The following BDKRB2 variants were observed in gnomAD, a reference collection of about 807,000 sequenced individuals.
BDKRB2 encodes bradykinin receptor B2, also known as B2 bradykinin receptor.
A neutral mutation model predicts 4.0 loss-of-function variants in BDKRB2; 6 were observed. That is an observed-to-expected ratio of 1.49 (90% confidence interval 0.81 to 2.93). The LOEUF is 2.93. BDKRB2 is among the 30% of genes most tolerant of loss of function. BDKRB2 has a pLI of 0.00. For synonymous variants in BDKRB2, 225 were observed against 215.3 expected, an observed-to-expected ratio of 1.05 and a Z score of -0.40; for missense variants, 478 against 520.1, an observed-to-expected ratio of 0.92 and a Z score of 0.79.
At chr14:96,221,553 C>T (rs150535626) in intron 1 of BDKRB2, among the ~76,000 whole-genome samples, 3 of 152,172 alleles carry the variant, frequency 2.0e-5, no homozygotes, top group African/African-American at 7.2e-5. Context: ...GTTGAGTAGA[C>T]ACCCGGAGGA....
At chr14:96,213,286 C>T (rs1255830332) in intron 1 of BDKRB2, among the ~76,000 whole-genome samples, 1 of 152,150 alleles carries the variant, frequency 6.6e-6, no homozygotes, top group Non-Finnish European at 1.5e-5. Flanking sequence ...AGAGATCTTT[C>T]CCCACAAGGA....
At chr14:96,226,010 C>T (rs544181006) in intron 1 of BDKRB2, among the ~76,000 whole-genome samples, 3 of 152,198 alleles carry the variant, frequency 2.0e-5, no homozygotes, top group South Asian at 2.1e-4. Flanking sequence ...CACCCAGCTA[C>T]GGCTCACTTC....
chr14:96,227,073 C>T (rs1172666215), intron 1 of BDKRB2, among the ~76,000 whole-genome samples: 5 of 152,166 alleles, frequency 3.3e-5, no homozygotes, highest in East Asian at 3.9e-4. Context: ...ATTGCCTTGC[C>T]GTGTGGCTGT....
At chr14:96,225,124 C>G (rs180966184) in intron 1 of BDKRB2, among the ~76,000 whole-genome samples, 2 of 152,284 alleles carry the variant, frequency 1.3e-5, no homozygotes, top group Admixed American at 1.3e-4. Flanking sequence ...GTGCTGATCC[C>G]ATTGCCTCTG....
chr14:96,241,638 C>T lies in BDKRB2; in HGVS notation c.*134C>T, dbSNP rs200771756. On this transcript the variant is annotated 3_prime_UTR_variant, in exon 3 of 3. Transcript: ENST00000554311. ...TGAGTTGATGTCTCCGGTAAAACAC[C>T]GGAGACTAATTCCTGCCCTGCCCAA... 47 of 1,382,206 alleles carry T rather than the reference C, an allele frequency of 3.4e-5. No individual in the cohort carries two copies. The highest frequency in any genetic ancestry group is 2.6e-4 in the Middle Eastern group (1 of 3,890). 85.6% of individuals were successfully genotyped at this position (1,382,206 alleles called of 1,614,324 possible). A position where few individuals can be genotyped will look rare whatever the true frequency, so the allele number is the denominator to read the frequency against.
In BDKRB2 at chr14:96,240,411, T is replaced by G. The variant is rs775702998; in HGVS notation, c.83T>G (p.Met28Arg). The change falls in exon 3 of 3, where the codon ATG (methionine) becomes AGG (arginine). Residue 28 changes from methionine to arginine, a missense_variant. Coordinates refer to ENST00000554311, the MANE Select transcript of BDKRB2 (RefSeq NM_001379692.1). Reference protein sequence around the residue: ...VPTTASFSADMLNVTLQGPTL... With the variant: ...VPTTASFSADRLNVTLQGPTL... The stretch of plus-strand genomic sequence containing the variant: ...TTTCCACTTTCTTTCAGCGCCGACA[T>G]GCTCAATGTCACCTTGCAAGGGCCC... 1.4e-6 allele frequency: 2 copies of G among 1,444,032 alleles called. No individual in the cohort carries two copies. The highest frequency in any genetic ancestry group is 1.8e-6 in the Non-Finnish European group (2 of 1,095,866). 89.5% of individuals were successfully genotyped at this position (1,444,032 alleles called of 1,614,324 possible). A position where few individuals can be genotyped will look rare whatever the true frequency, so the allele number is the denominator to read the frequency against.
chr14:96,237,981 G>A (rs1890977420), intron 2 of BDKRB2: 24 of 1,183,300 alleles, frequency 2.0e-5, no homozygotes, highest in Non-Finnish European at 2.5e-5. Flanking sequence ...CAGGAAATGG[G>A]TTTTCTGTAG....
In BDKRB2 at chr14:96,242,048, C is replaced by T. The variant is rs1885306378; in HGVS notation, c.*544C>T. On this transcript the variant is annotated 3_prime_UTR_variant, in exon 3 of 3. Transcript: ENST00000554311. ...ACCTGGAGACCAGGATTTTATGGCT[C>T]CCCTCACTGATGGACAAGGAGGTCT... 6.5e-6 allele frequency: 1 copy of T among 152,986 alleles called. No homozygotes were observed. The highest frequency in any genetic ancestry group is 2.1e-4 in the South Asian group (1 of 4,854). The allele number at this position is 152,986 out of a possible 1,614,324, so 9.5% of individuals were successfully genotyped here. A position where few individuals can be genotyped will look rare whatever the true frequency, so the allele number is the denominator to read the frequency against.
At position 96,241,258 on chromosome 14, in the gene BDKRB2, C is replaced by G; in HGVS notation, c.930C>G (p.Ile310Met). The G allele has an allele frequency of 6.2e-7, 1 of 1,613,630 alleles. No homozygotes were observed. Among genetic ancestry groups the G allele is most frequent in the Non-Finnish European group, 8.5e-7 (1 of 1,179,612 alleles). ...CCAGCTGCCAGGACGAGCGCATCAT[C>G]GATGTAATCACACAGATCGCCTCCT... ...ILSSCQDERI[I>M]DVITQIASFM... The change falls in exon 3 of 3, where the codon ATC (isoleucine) becomes ATG (methionine). Residue 310 changes from isoleucine to methionine, a missense_variant. Coordinates refer to ENST00000554311, the MANE Select transcript of BDKRB2 (RefSeq NM_001379692.1).
chr14:96,232,060 G>A (rs1258056862), intron 1 of BDKRB2, among the ~76,000 whole-genome samples: 1 of 152,212 alleles, frequency 6.6e-6, no homozygotes, highest in Non-Finnish European at 1.5e-5. Context: ...CTGTGAGCAG[G>A]AGATCTGGCC....
chr14:96,227,474 C>T (rs1031600940), intron 1 of BDKRB2, among the ~76,000 whole-genome samples: 5 of 152,130 alleles, frequency 3.3e-5, no homozygotes, highest in African/African-American at 9.7e-5. Context: ...GTTCCAACCC[C>T]CTGGGGACAT....
intron 1 of BDKRB2, among the ~76,000 whole-genome samples, chr14:96,219,042 G>A (rs569425072): frequency 3.3e-5 from 5 of 152,156 alleles, no homozygotes; most frequent in African/African-American, 9.6e-5. Context: ...GGTGGCTCAC[G>A]CCTATAATCA....
intron 1 of BDKRB2, chr14:96,223,171 G>A (rs1890614140): frequency 8.6e-7 from 1 of 1,167,864 alleles, no homozygotes; most frequent in East Asian, 2.3e-5. Flanking sequence ...GTATCGACAT[G>A]TCATGCTGCC....
In BDKRB2 at chr14:96,241,128, G is replaced by C; in HGVS notation, c.800G>C (p.Arg267Thr). The stretch of plus-strand genomic sequence containing the variant: ...TTCAAGGAGATCCAGACAGAGAGGA[G>C]GGCCACGGTGCTAGTCCTGGTTGTG... ...QKFKEIQTER[R>T]ATVLVLVVLL... The change falls in exon 3 of 3, where the codon AGG becomes ACG. Residue 267 changes from arginine to threonine, a missense_variant. Arg to Thr is a moderately conservative substitution (Grantham distance 71, BLOSUM62 -1). Coordinates refer to ENST00000554311, the MANE Select transcript of BDKRB2 (RefSeq NM_001379692.1). 1 of 1,612,928 alleles carries C rather than the reference G, an allele frequency of 6.2e-7. No homozygotes were observed. The highest frequency in any genetic ancestry group is 1.1e-5 in the South Asian group (1 of 91,046).
chr14:96,219,382 G>A (rs1890502263), intron 1 of BDKRB2, among the ~76,000 whole-genome samples: 1 of 151,970 alleles, frequency 6.6e-6, no homozygotes, highest in Non-Finnish European at 1.5e-5. Flanking sequence ...TGTTTCCTCT[G>A]ACTTGCCCAG....
chr14:96,206,245 G>A (rs537336009), intron 1 of BDKRB2, among the ~76,000 whole-genome samples: 1 of 152,056 alleles, frequency 6.6e-6, no homozygotes, highest in Non-Finnish European at 1.5e-5. Context: ...CCAAGAGAAG[G>A]CGTCTTTGGA....
rs1460921491 is a variant in BDKRB2, at chr14:96,240,886, G to A, written c.558G>A (p.Leu186=). The stretch of plus-strand genomic sequence containing the variant: ...GCTTGGTGATCTGGGGGTGTACGCT[G>A]CTCCTGAGCTCACCCATGCTGGTGT... ...LYSLVIWGCT[L]LLSSPMLVFR... is the part of the protein sequence containing the mutation. The change falls in exon 3 of 3, where the codon CTG becomes CTA. Residue 186 remains leucine (L), a synonymous_variant. Transcript: ENST00000554311. The A allele has an allele frequency of 3.1e-6, 5 of 1,594,504 alleles. No individual in the cohort carries two copies. In the African/African-American group the frequency reaches 5.4e-5, roughly 17 times the overall value.
chr14:96,223,708 T>TA (rs1890630562), intron 1 of BDKRB2, among the ~76,000 whole-genome samples: 1 of 152,132 alleles, frequency 6.6e-6, no homozygotes. Flanking sequence ...CCTGGTGTTG[T>TA]ATGTAAGGTC....
chr14:96,240,294 T>C, intron 2 of BDKRB2, 109 bp from the exon 3 acceptor site: 1 of 1,342,670 alleles, frequency 7.4e-7, no homozygotes, highest in African/African-American at 1.5e-5. Context: ...CCACCTCGGC[T>C]TCTCCTTGCC....
Sources: allele counts gnomAD v4.1 joint callset (sites outside exome capture counted in the v4.1 genomes callset), GRCh38; gene constraint gnomAD v4.1.1; transcripts MANE v1.5; gene names NCBI Gene and HGNC (gene_info 2026-07-23, HGNC 2026-07-21).